Variants in DHX33 observed in about 807,000 individuals in gnomAD.
The protein encoded by DHX33 is DEAH-box helicase 33.
DHX33 carries 42 observed loss-of-function variants against 72.5 expected under a neutral mutation model. The observed-to-expected ratio is 0.58, with a 90% CI of 0.45 to 0.75. The LOEUF is 0.75. DHX33 is among the 30% of genes least tolerant of loss of function. The pLI, the probability that DHX33 is intolerant of heterozygous loss-of-function variation, is 0.00. For synonymous variants in DHX33, 358 were observed against 366.1 expected, an observed-to-expected ratio of 0.98 and a Z score of 0.25; for missense variants, 842 against 917.5, an observed-to-expected ratio of 0.92 and a Z score of 1.06.
At chr17:5,454,881 G>A (rs1057442589) in intron 6 of DHX33, among the ~76,000 whole-genome samples, 2 of 152,118 alleles carry the variant, frequency 1.3e-5, no homozygotes, top group South Asian at 2.1e-4. Context: ...CCTTAGAGCC[G>A]ACTTCTGATG....
Position 5,468,568 on chromosome 17 carries a change from C to T in DHX33, c.289+3G>A. The T allele has an allele frequency of 6.2e-7, 1 of 1,605,786 alleles. No individual in the cohort carries two copies. Among genetic ancestry groups the T allele is most frequent in the Non-Finnish European group, 8.5e-7 (1 of 1,176,946 alleles). ...GGAAGAGCCCGCCGGCGCGGCCACT[C>T]ACCGATGAGGACCGCGTTGTCCAGG... On this transcript the variant is annotated splice_donor_region_variant and intron_variant, in intron 1 of 11. Coordinates refer to ENST00000225296, the MANE Select transcript of DHX33 (RefSeq NM_020162.4).
intron 4 of DHX33, among the ~76,000 whole-genome samples, chr17:5,457,917 A>G (rs1904396329): frequency 6.6e-6 from 1 of 152,056 alleles, no homozygotes; most frequent in Admixed American, 6.6e-5. Context: ...ACACTATGAA[A>G]ACGACAGTAA....
chr17:5,445,098 A>G (rs1214089884), intron 11 of DHX33, among the ~76,000 whole-genome samples: 1 of 143,124 alleles, frequency 7.0e-6, no homozygotes, highest in South Asian at 2.2e-4. Flanking sequence ...TTTTTTTTTG[A>G]GGCTGAGTCT....
intron 8 of DHX33, among the ~76,000 whole-genome samples, chr17:5,452,040 G>A (rs1428891552): frequency 6.6e-6 from 1 of 151,422 alleles, no homozygotes; most frequent in Non-Finnish European, 1.5e-5. Flanking sequence ...AAATATGGAA[G>A]AGTGGGTACC....
intron 9 of DHX33, 82 bp from the exon 10 acceptor site, chr17:5,450,488 G>A (rs1916854420): frequency 6.8e-7 from 1 of 1,465,280 alleles, no homozygotes; most frequent in African/African-American, 1.4e-5. Context: ...TGCTTTTGCA[G>A]TTTCCCTTCT....
Position 5,460,943 on chromosome 17 carries a change from T to C in DHX33, c.845A>G (p.His282Arg). The change falls in exon 4 of 12, where the codon CAC becomes CGC. Residue 282 changes from histidine (H) to arginine (R), a missense_variant. Coordinates refer to ENST00000225296, the MANE Select transcript of DHX33 (RefSeq NM_020162.4). Reference protein sequence around the residue: ...HAALVSVFQIHQEAPSSQDIL... With the variant: ...HAALVSVFQIRQEAPSSQDIL... Reference sequence around the variant, plus strand: ...AATTTGCCCCCAGCACCATACCTGGTGGATCTGGAAGACGGAGACAAGCGC... The same window carrying C: ...AATTTGCCCCCAGCACCATACCTGGCGGATCTGGAAGACGGAGACAAGCGC... The C allele has an allele frequency of 6.2e-7, 1 of 1,611,778 alleles. No individual in the cohort carries two copies. The highest frequency in any genetic ancestry group is 8.5e-7 in the Non-Finnish European group (1 of 1,178,438).
chr17:5,462,175 G>C, intron 3 of DHX33, 144 bp downstream of exon 3: 3 of 665,356 alleles, frequency 4.5e-6, no homozygotes, highest in Non-Finnish European at 7.6e-6. Context: ...CCTGACCTCA[G>C]GTGATCCACC....
intron 7 of DHX33, 61 bp downstream of exon 7, chr17:5,453,760 C>T: frequency 6.2e-7 from 1 of 1,612,790 alleles, no homozygotes; most frequent in East Asian, 2.2e-5. Context: ...AACTGCAGCT[C>T]TGGGCAAGCA....
intron 1 of DHX33, among the ~76,000 whole-genome samples, chr17:5,465,786 C>G (rs2151693208): frequency 6.6e-6 from 1 of 152,324 alleles, no homozygotes; most frequent in East Asian, 1.9e-4. Flanking sequence ...TCCATCCTCC[C>G]CAAGGGCCCA....
In DHX33 at chr17:5,442,250, A is replaced by ATTTTTTTTT. The variant is rs377645589; in HGVS notation, c.*1946_*1954dup. 1.7e-4 allele frequency: 21 copies of ATTTTTTTTT among 121,816 alleles called. No individual in the cohort carries two copies. Among genetic ancestry groups the ATTTTTTTTT allele is most frequent in the African/African-American group, 6.3e-4 (20 of 31,998 alleles). 7.5% of individuals were successfully genotyped at this position (121,816 alleles called of 1,614,324 possible). A position where few individuals can be genotyped will look rare whatever the true frequency, so the allele number is the denominator to read the frequency against. ...AGCCACTGCGCCCGGCCACCCCCCA[A>ATTTTTTTTT]TTTTTTTTTTTTTTTTTTTTTTTTT... On this transcript the variant is annotated 3_prime_UTR_variant, in exon 12 of 12. Transcript: ENST00000225296.
At chr17:5,449,173 T>C (rs570291036) in intron 10 of DHX33, among the ~76,000 whole-genome samples, 27 of 152,260 alleles carry the variant, frequency 1.8e-4, no homozygotes, top group African/African-American at 6.5e-4. Context: ...AAAAGAAACG[T>C]AGGAAAATAT....
chr17:5,468,708 T>TGCCTCCG lies in DHX33; in HGVS notation c.145_151dup (p.Gln51ProfsTer17). The TGCCTCCG allele has an allele frequency of 1.2e-6, 2 of 1,611,296 alleles. No individual in the cohort carries two copies. Among genetic ancestry groups the TGCCTCCG allele is most frequent in the Non-Finnish European group, 1.7e-6 (2 of 1,179,182 alleles). On this transcript the variant is annotated frameshift_variant, in exon 1 of 12. Transcript: ENST00000225296. LOFTEE classifies it high-confidence loss of function. ...CGAGGGCTGGGCCAGGGGCGGCTGC[T>TGCCTCCG]GCCTCCGGCCTCCTCCTCCTCCTCT...
rs974754153 is a variant in DHX33 at position 5,445,163 on chromosome 17, C to T, written c.1816-650G>A. Among the ~76,000 whole-genome samples, 4 of 151,994 alleles carry T rather than the reference C, an allele frequency of 2.6e-5. No homozygotes were observed. In the East Asian group the frequency reaches 5.8e-4, roughly 22 times the overall value. On this transcript the variant is annotated intron_variant, in intron 11 of 11. Coordinates refer to ENST00000225296, the MANE Select transcript of DHX33 (RefSeq NM_020162.4). ...GCGCAATCTCAGCTCATTGCAACCTCCACCTCCCAGGTTCAAGCTATTCTC... is the reference window on the plus strand; with the variant it reads ...GCGCAATCTCAGCTCATTGCAACCTTCACCTCCCAGGTTCAAGCTATTCTC...
At chr17:5,448,919 C>T (rs1470520166) in intron 10 of DHX33, 24 bp from the exon 11 acceptor site, 1 of 1,566,288 alleles carries the variant, frequency 6.4e-7, no homozygotes. Context: ...AGAGTGATAT[C>T]ACAATCCACT....
intron 4 of DHX33, among the ~76,000 whole-genome samples, chr17:5,458,168 T>C (rs1904412779): frequency 6.6e-6 from 1 of 151,654 alleles, no homozygotes; most frequent in Non-Finnish European, 1.5e-5. Flanking sequence ...CACGGGAAAA[T>C]GGTGACAAAG....
chr17:5,468,632 G>A lies in DHX33; in HGVS notation c.228C>T (p.Ile76=), dbSNP rs1176063365. Residue 76 remains isoleucine, a synonymous_variant, in exon 1 of 12, where the codon ATC becomes ATT. Coordinates refer to ENST00000225296, the MANE Select transcript of DHX33 (RefSeq NM_020162.4). ...CCAACAGTTGCCCCCGCGCTTGGAA[G>A]ATGGGCAGACTCCGGCGCTGCAGCT... ...AVELQRRSLP[I]FQARGQLLAQ... 1.2e-6 allele frequency: 2 copies of A among 1,612,024 alleles called. No homozygotes were observed. The highest frequency in any genetic ancestry group is 1.7e-5 in the Admixed American group (1 of 59,902).
At chr17:5,460,782 C>T (rs1904561279) in intron 4 of DHX33, among the ~76,000 whole-genome samples, 157 bp downstream of exon 4, 2 of 152,200 alleles carry the variant, frequency 1.3e-5, no homozygotes, top group Non-Finnish European at 2.9e-5. Context: ...GCAGGGATTA[C>T]AGGCGTGAGC....
At position 5,444,388 on chromosome 17, in the gene DHX33, G is replaced by A. The variant is rs200758021; in HGVS notation, c.1941C>T (p.His647=). 3.9e-5 allele frequency: 63 copies of A among 1,614,250 alleles called. No homozygotes were observed. In the African/African-American group the frequency reaches 6.8e-4, roughly 17 times the overall value. ...PDGTYATTDT[H]QPVAIHPSSV... ...ACGACGGGTGGATGGCCACTGGCTG[G>A]TGGGTGTCCGTGGTGGCATAGGTGC... The change falls in exon 12 of 12, where the codon CAC becomes CAT. Residue 647 remains histidine (H), a synonymous_variant. Transcript: ENST00000225296. This position sits in a 1 kb window ranked among gnomAD's most constrained non-coding sequence, Gnocchi z 4.9.
rs1916592100 is a variant in DHX33 at position 5,444,977 on chromosome 17, T to C, written c.1816-464A>G. On this transcript the variant is annotated intron_variant, in intron 11 of 11. Coordinates refer to ENST00000225296, the MANE Select transcript of DHX33 (RefSeq NM_020162.4). This position sits in a 1 kb window ranked among gnomAD's most constrained non-coding sequence, Gnocchi z 4.9. ...CCACTCAAATACCTTCAACAATGTC[T>C]CTACTGCTCCTTGCAAAACAATGCA... 6.6e-6 allele frequency among the ~76,000 whole-genome samples: 1 copy of C among 152,196 alleles called. No homozygotes were observed. The highest frequency in any genetic ancestry group is 1.5e-5 in the Non-Finnish European group (1 of 68,042).
Sources: allele counts gnomAD v4.1 joint callset (sites outside exome capture counted in the v4.1 genomes callset), GRCh38; gene constraint gnomAD v4.1.1; non-coding constraint Gnocchi (gnomAD v3.1); transcripts MANE v1.5; gene names NCBI Gene and HGNC (gene_info 2026-07-23, HGNC 2026-07-21).